The following BCL11B variants were observed in gnomAD, a reference collection of about 807,000 sequenced individuals.
The protein encoded by BCL11B is BCL11 transcription factor B.
A neutral mutation model predicts 49.9 loss-of-function variants in BCL11B; 8 were observed. The ratio of observed to expected loss-of-function variants is 0.16; its 90% CI spans 0.09 to 0.29. BCL11B has a LOEUF of 0.29. Ranked by LOEUF, BCL11B falls within the 10% of genes least tolerant of loss-of-function variation. The pLI, the probability that BCL11B is intolerant of heterozygous loss-of-function variation, is 1.00. For synonymous variants in BCL11B, 739 were observed against 637.4 expected (o/e 1.16, Z -2.40); for missense variants, 1,006 against 1,351.0 (o/e 0.74, Z 4.00).
At chr14:99,202,682 C>A (rs1314292926) in intron 3 of BCL11B, among the ~76,000 whole-genome samples, 2 of 152,174 alleles carry the variant, frequency 1.3e-5, no homozygotes, top group Non-Finnish European at 2.9e-5. Flanking sequence ...GCCACTAGAG[C>A]TCAAGTCTAA....
chr14:99,233,160 T>A (rs1326056539), intron 2 of BCL11B, among the ~76,000 whole-genome samples: 4 of 152,156 alleles, frequency 2.6e-5, no homozygotes, highest in Non-Finnish European at 5.9e-5. Context: ...TGCCCTAGCC[T>A]GAACCTTCCA....
chr14:99,221,022 T>A (rs1428151940), intron 3 of BCL11B, among the ~76,000 whole-genome samples: 1 of 152,046 alleles, frequency 6.6e-6, no homozygotes, highest in African/African-American at 2.4e-5. Flanking sequence ...AGCTACATTT[T>A]TTTATATTTT....
intron 3 of BCL11B, among the ~76,000 whole-genome samples, chr14:99,176,859 GATA>G (rs1886551038): frequency 1.3e-5 from 2 of 152,018 alleles, no homozygotes; most frequent in South Asian, 4.2e-4. Flanking sequence ...AACCAATTCT[GATA>G]ATATTTGATT....
chr14:99,242,491 T>C lies in BCL11B; in HGVS notation c.428-10934A>G, dbSNP rs1888700724. 6.6e-6 allele frequency among the ~76,000 whole-genome samples: 1 copy of C among 152,172 alleles called. No individual in the cohort carries two copies. The highest frequency in any genetic ancestry group is 1.5e-5 in the Non-Finnish European group (1 of 68,042). On this transcript the variant is annotated intron_variant, in intron 2 of 3. Transcript: ENST00000357195. This position sits in a 1 kb window ranked among gnomAD's most constrained non-coding sequence, Gnocchi z 4.4. ...ACCAGACAGCTCCTGGCTCCAAGCC[T>C]GCACCATCGCAGACTCCAGGTATCT...
At position 99,253,144 on chromosome 14, in the gene BCL11B, T is replaced by G. The variant is rs185936693; in HGVS notation, c.427+4327A>C. Among the ~76,000 whole-genome samples the G allele has an allele frequency of 4.1e-4, 63 of 152,282 alleles. No homozygotes were observed. In the East Asian group the frequency reaches 0.011, roughly 27 times the overall value. On this transcript the variant is annotated intron_variant, in intron 2 of 3. Coordinates refer to ENST00000357195, the MANE Select transcript of BCL11B (RefSeq NM_138576.4). ...GAAACGGAGGCCAAGAAAAGTGAAG[T>G]GACTCACACAGGTGGCCAGCAGTGA... is the stretch of plus-strand genomic sequence containing the variant.
chr14:99,198,717 ATGCACTGCTT>A (rs1400427545), intron 3 of BCL11B, among the ~76,000 whole-genome samples: 1 of 152,088 alleles, frequency 6.6e-6, no homozygotes, highest in Non-Finnish European at 1.5e-5. Flanking sequence ...ACCTTCCGAA[ATGCACTGCTT>A]TGCACTCACC....
chr14:99,227,948 T>G (rs1888205982), intron 3 of BCL11B, among the ~76,000 whole-genome samples: 1 of 151,788 alleles, frequency 6.6e-6, no homozygotes, highest in African/African-American at 2.4e-5. Flanking sequence ...TGGAAAGAGG[T>G]CTAGGGTTGG....
At chr14:99,240,319 T>TA (rs1053965407) in intron 2 of BCL11B, among the ~76,000 whole-genome samples, 76 of 152,054 alleles carry the variant, frequency 5.0e-4, no homozygotes, top group African/African-American at 1.4e-3. Flanking sequence ...ACTATTGTAA[T>TA]AAAAAAAATA....
chr14:99,263,621 A>T (rs1889400659), intron 1 of BCL11B, among the ~76,000 whole-genome samples: 1 of 152,228 alleles, frequency 6.6e-6, no homozygotes, highest in African/African-American at 2.4e-5. Context: ...CTCCAGCCTA[A>T]TTTTAGGATG....
intron 3 of BCL11B, among the ~76,000 whole-genome samples, chr14:99,204,326 G>T (rs1470053327): frequency 6.6e-6 from 1 of 152,142 alleles, no homozygotes. Context: ...AGTGCAGAGA[G>T]GCTAAGGCAC....
chr14:99,258,834 C>G (rs924495509), intron 1 of BCL11B, among the ~76,000 whole-genome samples: 2 of 152,184 alleles, frequency 1.3e-5, no homozygotes, highest in African/African-American at 2.4e-5. Context: ...GATATCAAAC[C>G]ACACTTTCAA....
intron 1 of BCL11B, among the ~76,000 whole-genome samples, chr14:99,258,833 C>A (rs1369470006): frequency 6.6e-6 from 1 of 152,204 alleles, no homozygotes; most frequent in South Asian, 2.1e-4. Flanking sequence ...AGATATCAAA[C>A]CACACTTTCA....
At chr14:99,235,576 CTT>C (rs1387400313) in intron 2 of BCL11B, among the ~76,000 whole-genome samples, 1 of 152,182 alleles carries the variant, frequency 6.6e-6, no homozygotes, top group Non-Finnish European at 1.5e-5. Flanking sequence ...CGTCAACTCT[CTT>C]GACAAATATT....
At chr14:99,234,153 G>A (rs1004867135) in intron 2 of BCL11B, among the ~76,000 whole-genome samples, 2 of 152,134 alleles carry the variant, frequency 1.3e-5, no homozygotes, top group Admixed American at 6.5e-5. Context: ...GGGCTGGGGG[G>A]AGCCAGTAGG....
chr14:99,214,054 C>T (rs1192474209), intron 3 of BCL11B, among the ~76,000 whole-genome samples: 2 of 152,188 alleles, frequency 1.3e-5, no homozygotes, highest in African/African-American at 2.4e-5. Context: ...TGTCAGCTGC[C>T]TAATTAGTGG....
At chr14:99,224,127 C>T (rs1385321175) in intron 3 of BCL11B, among the ~76,000 whole-genome samples, 1 of 152,304 alleles carries the variant, frequency 6.6e-6, no homozygotes, top group East Asian at 1.9e-4. Flanking sequence ...CTCCCAGGTA[C>T]CATATCAGAG....
chr14:99,218,818 G>A (rs899658133), intron 3 of BCL11B, among the ~76,000 whole-genome samples: 3 of 152,192 alleles, frequency 2.0e-5, no homozygotes, highest in Admixed American at 6.5e-5. Context: ...GTGACTAAGT[G>A]AAGGCTGTTG....
chr14:99,220,999 C>T (rs1887991775), intron 3 of BCL11B, among the ~76,000 whole-genome samples: 1 of 151,804 alleles, frequency 6.6e-6, no homozygotes. Flanking sequence ...TATAGGCGCC[C>T]GCCACCACGC....
intron 3 of BCL11B, among the ~76,000 whole-genome samples, chr14:99,186,249 A>C (rs909823566): frequency 7.2e-5 from 11 of 152,234 alleles, no homozygotes; most frequent in African/African-American, 2.7e-4. Flanking sequence ...CATCATGCAC[A>C]GTGGCTCACG....
Sources: allele counts gnomAD v4.1 joint callset (sites outside exome capture counted in the v4.1 genomes callset), GRCh38; gene constraint gnomAD v4.1.1; non-coding constraint Gnocchi (gnomAD v3.1); transcripts MANE v1.5; gene names NCBI Gene and HGNC (gene_info 2026-07-23, HGNC 2026-07-21).